The following UGT1A7 variants were observed in gnomAD, a reference collection of about 807,000 sequenced individuals.
UGT1A7 encodes the protein UDP glucuronosyltransferase family 1 member A7, also known as UDP-glucuronosyltransferase 1A7.
UGT1A7 carries 33 observed loss-of-function variants against 45.6 expected under a neutral mutation model. That is an observed-to-expected ratio of 0.72 (90% CI 0.55 to 0.97). The LOEUF (loss-of-function observed/expected upper bound fraction) is 0.97. Among genes scored for constraint, UGT1A7 ranks in the 50% least tolerant of loss-of-function variants. The pLI is 0.00. For missense variants in UGT1A7, 684 were observed against 666.2 expected (o/e 1.03, Z -0.29); for synonymous variants, 274 against 250.6 (o/e 1.09, Z -0.88).
intron 1 of UGT1A7, among the ~76,000 whole-genome samples, chr2:233,720,298 G>A (rs2076845551): frequency 6.6e-6 from 1 of 152,140 alleles, no homozygotes; most frequent in Admixed American, 6.5e-5. Context: ...CAGGAGTTGG[G>A]GGTCTGGTGT....
Position 233,772,730 on chromosome 2 carries a change from C to A in UGT1A7, c.*171C>A. Reference sequence around the variant, plus strand: ...CTCTTAAATAAAAATAATAGACTCGCTAGTCAGTAAAGATATTTGAATATG... The same window carrying A: ...CTCTTAAATAAAAATAATAGACTCGATAGTCAGTAAAGATATTTGAATATG... On this transcript the variant is annotated 3_prime_UTR_variant, in exon 5 of 5. Transcript: ENST00000373426. 1 of 1,445,162 alleles carries A rather than the reference C, an allele frequency of 6.9e-7. No homozygotes were observed. The highest frequency in any genetic ancestry group is 9.1e-7 in the Non-Finnish European group (1 of 1,100,576). The allele number at this position is 1,445,162 out of a possible 1,614,324, so 89.5% of individuals were successfully genotyped here.
chr2:233,718,955 G>C (rs1197227644), intron 1 of UGT1A7: 1 of 1,614,222 alleles, frequency 6.2e-7, no homozygotes, highest in Admixed American at 1.7e-5. Flanking sequence ...TCAGCATGCG[G>C]GAGGCCTTGC....
At chr2:233,695,415 C>T (rs1344704193) in intron 1 of UGT1A7, among the ~76,000 whole-genome samples, 5 of 144,208 alleles carry the variant, frequency 3.5e-5, no homozygotes, top group African/African-American at 7.6e-5. Context: ...TGAGCTACCG[C>T]GCCCGGCCTT....
intron 1 of UGT1A7, among the ~76,000 whole-genome samples, chr2:233,752,970 T>C (rs1695100679): frequency 2.0e-5 from 3 of 152,220 alleles, no homozygotes; most frequent in South Asian, 2.1e-4. Context: ...ATGTAACCAA[T>C]TGTGTAGATA....
At chr2:233,704,833 A>AGAG in intron 1 of UGT1A7, among the ~76,000 whole-genome samples, 1 of 152,130 alleles carries the variant, frequency 6.6e-6, no homozygotes, top group Non-Finnish European at 1.5e-5. Context: ...ATTGCTTTTA[A>AGAG]AATCAGTTAA....
At chr2:233,738,189 CCTCT>C (rs563579368) in intron 1 of UGT1A7, among the ~76,000 whole-genome samples, 82 of 152,188 alleles carry the variant, frequency 5.4e-4, no homozygotes, top group Non-Finnish European at 1.0e-3. Context: ...CGTGTCTTTG[CCTCT>C]CTCTCACTTT....
intron 1 of UGT1A7, among the ~76,000 whole-genome samples, chr2:233,684,874 G>A (rs2074706964): frequency 6.6e-6 from 1 of 152,158 alleles, no homozygotes; most frequent in Non-Finnish European, 1.5e-5. Context: ...TTTCATATGG[G>A]CAGGGTGTGT....
At chr2:233,748,812 T>C (rs1268165995) in intron 1 of UGT1A7, among the ~76,000 whole-genome samples, 2 of 151,274 alleles carry the variant, frequency 1.3e-5, no homozygotes. Context: ...CAAGAAATTG[T>C]GGAAGGGTCT....
At chr2:233,724,345 C>CT (rs2077231135) in intron 1 of UGT1A7, among the ~76,000 whole-genome samples, 1 of 148,054 alleles carries the variant, frequency 6.8e-6, no homozygotes, top group African/African-American at 2.5e-5. Context: ...GGCTGACCCC[C>CT]CCCACCTCCC....
chr2:233,747,089 ACTCTAT>A, intron 1 of UGT1A7: 1 of 1,215,556 alleles, frequency 8.2e-7, no homozygotes. Context: ...GGAGGAGAGC[ACTCTAT>A]CTTCCAATTA....
At chr2:233,729,677 G>A (rs2077906321) in intron 1 of UGT1A7, 6 of 1,613,888 alleles carry the variant, frequency 3.7e-6, no homozygotes, top group Middle Eastern at 1.7e-4. Context: ...GACTTTAAGG[G>A]CACACAGTGT....
intron 1 of UGT1A7, among the ~76,000 whole-genome samples, chr2:233,757,535 A>AATATATATACATATATATAT (rs376887521): frequency 1.4e-3 from 127 of 87,896 alleles, no homozygotes; most frequent in Non-Finnish European, 1.8e-3. Context: ...GCCTGTAAGG[A>AATATATATACATATATATAT]ATATATATAT....
rs775573603 is a variant in UGT1A7, at chr2:233,682,208, A to G, written c.271A>G (p.Met91Val). The stretch of plus-strand genomic sequence containing the variant: ...TCTGGAGGATCAGGACCGGGAGTTC[A>G]TGGTTTTTGCCGATGCTCGCTGGAC... ...YTLEDQDREF[M>V]VFADARWTAP... The change falls in exon 1 of 5, where the codon ATG becomes GTG. Residue 91 changes from methionine (M) to valine (V), a missense_variant. Physicochemically the swap from Met to Val is conservative, Grantham distance 21. Transcript: ENST00000373426. 2.5e-6 allele frequency: 4 copies of G among 1,614,200 alleles called. No individual in the cohort carries two copies. The highest frequency in any genetic ancestry group is 2.5e-6 in the Non-Finnish European group (3 of 1,180,022).
At chr2:233,683,169 C>T (rs749915712) in intron 1 of UGT1A7, among the ~76,000 whole-genome samples, 7 of 151,982 alleles carry the variant, frequency 4.6e-5, no homozygotes, top group South Asian at 2.1e-4. Context: ...TGAAATTATA[C>T]TATGTATATG....
chr2:233,689,424 C>G (rs1478250131), intron 1 of UGT1A7, among the ~76,000 whole-genome samples: 1 of 152,126 alleles, frequency 6.6e-6, no homozygotes, highest in East Asian at 1.9e-4. Context: ...TAATGGCTTG[C>G]AAGTAAAGGT....
chr2:233,717,481 G>A (rs914906580), intron 1 of UGT1A7, among the ~76,000 whole-genome samples: 2 of 152,216 alleles, frequency 1.3e-5, no homozygotes, highest in Admixed American at 6.5e-5. Flanking sequence ...TCCAAAGGTG[G>A]AATCTGTTAT....
chr2:233,715,991 A>G (rs1360718293), intron 1 of UGT1A7, among the ~76,000 whole-genome samples: 1 of 152,166 alleles, frequency 6.6e-6, no homozygotes, highest in Non-Finnish European at 1.5e-5. Context: ...AAAACACAAC[A>G]AAACCCAAAA....
chr2:233,718,890 C>G, intron 1 of UGT1A7: 1 of 1,613,968 alleles, frequency 6.2e-7, no homozygotes. Flanking sequence ...CAGTGTCCAG[C>G]CCTGGGCTGA....
intron 1 of UGT1A7, chr2:233,691,596 G>A: frequency 1.0e-6 from 1 of 985,720 alleles, no homozygotes; most frequent in African/African-American, 1.7e-5. Flanking sequence ...TTTCTACACA[G>A]GTCTTGCTCT....
Sources: gnomAD v4.1 joint callset for allele counts (sites outside exome capture counted in the v4.1 genomes callset) on GRCh38, gnomAD v4.1.1 for gene constraint, MANE v1.5 for transcripts, NCBI Gene and HGNC (gene_info 2026-07-23, HGNC 2026-07-21) for gene names.